Variants in DLGAP4 observed in about 807,000 individuals in gnomAD.
DLGAP4 encodes DLG associated protein 4, also known as disks large-associated protein 4.
DLGAP4 carries 18 observed loss-of-function variants against 86.9 expected under a neutral mutation model. That is an observed-to-expected ratio of 0.21 (90% CI 0.14 to 0.31). The LOEUF (loss-of-function observed/expected upper bound fraction) is 0.31. Among genes scored for constraint, DLGAP4 ranks in the 10% least tolerant of loss-of-function variants. DLGAP4 has a pLI of 1.00. For synonymous variants in DLGAP4, 548 were observed against 574.3 expected (o/e 0.95, Z 0.65); for missense variants, 1,085 against 1,362.6 (o/e 0.80, Z 3.21).
chr20:36,496,452 G>A (rs1267601577), intron 7 of DLGAP4, among the ~76,000 whole-genome samples: 3 of 152,342 alleles, frequency 2.0e-5, no homozygotes, highest in East Asian at 3.9e-4. Flanking sequence ...CTGATGTGGG[G>A]GATATCTTTG....
At chr20:36,483,495 A>G (rs946597749) in intron 7 of DLGAP4, among the ~76,000 whole-genome samples, 23 of 152,116 alleles carry the variant, frequency 1.5e-4, no homozygotes, top group Non-Finnish European at 1.0e-4. Context: ...TATGTGTACT[A>G]TGAGAGAGTG....
intron 2 of DLGAP4, among the ~76,000 whole-genome samples, chr20:36,406,651 A>G (rs1158288907): frequency 1.3e-5 from 2 of 152,086 alleles, no homozygotes; most frequent in Admixed American, 1.3e-4. Context: ...GTATGTTTGG[A>G]TACCATGGGT....
intron 2 of DLGAP4, among the ~76,000 whole-genome samples, chr20:36,425,240 C>T (rs2032942215): frequency 6.6e-6 from 1 of 152,104 alleles, no homozygotes; most frequent in Non-Finnish European, 1.5e-5. Flanking sequence ...ACAAAAATGA[C>T]AAACAACCCA....
chr20:36,432,474 A>C lies in DLGAP4; in HGVS notation c.757A>C (p.Met253Leu). 1 of 1,613,602 alleles carries C rather than the reference A, an allele frequency of 6.2e-7. No individual in the cohort carries two copies. Among genetic ancestry groups the C allele is most frequent in the Non-Finnish European group, 8.5e-7 (1 of 1,179,998 alleles). Reference protein sequence around the residue: ...MHAYNTISGHMLKTTKNNTTE... With the variant: ...MHAYNTISGHLLKTTKNNTTE... ...CGCCTACAACACCATCAGTGGGCAC[A>C]TGCTCAAAACCACCAAGAACAACAC... The change falls in exon 3 of 13, where the codon ATG becomes CTG. Residue 253 changes from methionine to leucine, a missense_variant. Physicochemically the swap from Met to Leu is conservative, Grantham distance 15 (BLOSUM62 2). Around this residue, in one of 2 missense-constraint regions of DLGAP4, gnomAD observed 1,082 missense variants for 1,344.1 expected, o/e 0.81. Transcript: ENST00000339266. The surrounding 1 kb of genome is among the most constrained non-coding windows in gnomAD (Gnocchi z 6.5).
intron 10 of DLGAP4, among the ~76,000 whole-genome samples, chr20:36,515,411 T>C (rs1330516331): frequency 1.3e-5 from 2 of 152,236 alleles, no homozygotes; most frequent in African/African-American, 4.8e-5. Flanking sequence ...TACCTTTCAC[T>C]GTCCTTATTA....
At chr20:36,511,874 CAAA>C (rs1161880479) in intron 10 of DLGAP4, among the ~76,000 whole-genome samples, 10 of 76,866 alleles carry the variant, frequency 1.3e-4, no homozygotes, top group Non-Finnish European at 1.7e-4. Flanking sequence ...GACCCTGTCT[CAAA>C]AAAAAAAAAA....
chr20:36,432,243 G>A lies in DLGAP4; in HGVS notation c.526G>A (p.Asp176Asn). 6.2e-7 allele frequency: 1 copy of A among 1,613,862 alleles called. No homozygotes were observed. The highest frequency in any genetic ancestry group is 1.1e-5 in the South Asian group (1 of 91,082). The stretch of plus-strand genomic sequence containing the variant: ...TGGCAGCAAGAAGGGTGGCATGGAG[G>A]ACGGCAAGGGCCGGAGGGCCAAAAG... ...GNGSKKGGME[D>N]GKGRRAKSKE... Residue 176 changes from aspartate (D) to asparagine (N), a missense_variant, in exon 3 of 13, where the codon GAC becomes AAC. Physicochemically the swap from Asp to Asn is conservative, Grantham distance 23. Coordinates refer to ENST00000339266, the MANE Select transcript of DLGAP4 (RefSeq NM_001365621.2). This position sits in a 1 kb window ranked among gnomAD's most constrained non-coding sequence, Gnocchi z 6.5.
At chr20:36,515,183 A>G (rs1179684778) in intron 10 of DLGAP4, among the ~76,000 whole-genome samples, 2 of 152,158 alleles carry the variant, frequency 1.3e-5, no homozygotes, top group African/African-American at 2.4e-5. Context: ...TGGTTTGTCC[A>G]TTTCTCCTTA....
chr20:36,428,211 A>G, intron 2 of DLGAP4, among the ~76,000 whole-genome samples: 1 of 152,218 alleles, frequency 6.6e-6, no homozygotes, highest in East Asian at 1.9e-4. Flanking sequence ...TATACTGTCA[A>G]CCTGGTAGCC....
chr20:36,361,951 C>T (rs1389233627), intron 1 of DLGAP4, among the ~76,000 whole-genome samples: 3 of 133,086 alleles, frequency 2.3e-5, no homozygotes, highest in Non-Finnish European at 4.6e-5. Flanking sequence ...TGCACTCCAG[C>T]GTGGATGACA....
At chr20:36,457,740 C>A (rs553945795) in intron 7 of DLGAP4, among the ~76,000 whole-genome samples, 7 of 151,582 alleles carry the variant, frequency 4.6e-5, no homozygotes, top group African/African-American at 1.7e-4. Context: ...TGGTCCTGAT[C>A]TCCTGACCTC....
chr20:36,388,207 C>T (rs112067294), intron 2 of DLGAP4, among the ~76,000 whole-genome samples: 2 of 152,314 alleles, frequency 1.3e-5, no homozygotes, highest in African/African-American at 2.4e-5. Flanking sequence ...TTGATTCTTC[C>T]TTTGTATGTT....
intron 2 of DLGAP4, among the ~76,000 whole-genome samples, chr20:36,381,158 A>G (rs934853966): frequency 6.6e-6 from 1 of 152,206 alleles, no homozygotes; most frequent in African/African-American, 2.4e-5. Flanking sequence ...CTCTACCTAC[A>G]TGTATTCATT....
intron 7 of DLGAP4, among the ~76,000 whole-genome samples, chr20:36,494,668 C>G (rs2035804807): frequency 6.6e-6 from 1 of 152,200 alleles, no homozygotes; most frequent in African/African-American, 2.4e-5. Context: ...CATCCCCACA[C>G]TCAATACAGG....
intron 1 of DLGAP4, among the ~76,000 whole-genome samples, chr20:36,347,068 C>T (rs920755440): frequency 6.6e-6 from 1 of 152,218 alleles, no homozygotes; most frequent in Non-Finnish European, 1.5e-5. Flanking sequence ...GTGCTACTCC[C>T]TGTGCTGGGC....
At chr20:36,391,232 C>T (rs545199528) in intron 2 of DLGAP4, among the ~76,000 whole-genome samples, 9 of 152,116 alleles carry the variant, frequency 5.9e-5, no homozygotes, top group Non-Finnish European at 8.8e-5. Context: ...CCATTCAGGC[C>T]GCCCACTCTG....
In DLGAP4 at chr20:36,526,117, G is replaced by C. The variant is rs889236962; in HGVS notation, c.2760+111G>C. The C allele has an allele frequency of 4.6e-6, 7 of 1,510,588 alleles. No individual in the cohort carries two copies. The African/African-American group carries it at 8.2e-5, about 18-fold the overall frequency. The allele number at this position is 1,510,588 out of a possible 1,614,324, so 93.6% of individuals were successfully genotyped here. On this transcript the variant is annotated intron_variant, in intron 12 of 12. Transcript: ENST00000339266. ...GCTCCCTTCTCCGTGTGTCGTCTTTGAGCTGGGGTCTCACATCCATCACTG... is the reference window on the plus strand; with the variant it reads ...GCTCCCTTCTCCGTGTGTCGTCTTTCAGCTGGGGTCTCACATCCATCACTG...
intron 2 of DLGAP4, among the ~76,000 whole-genome samples, chr20:36,395,751 G>A (rs1245346273): frequency 4.6e-5 from 7 of 152,030 alleles, no homozygotes; most frequent in Non-Finnish European, 8.8e-5. Context: ...CGCCCGCCTC[G>A]GCCTCCCAAA....
At chr20:36,423,015 G>T (rs1212618930) in intron 2 of DLGAP4, among the ~76,000 whole-genome samples, 1 of 152,122 alleles carries the variant, frequency 6.6e-6, no homozygotes. Flanking sequence ...ACTGGGCCAG[G>T]AACCCTGATC....
Sources: gnomAD v4.1 joint callset for allele counts (sites outside exome capture counted in the v4.1 genomes callset) on GRCh38, gnomAD v4.1.1 for gene constraint, gnomAD v4.1.1 regional missense constraint, Gnocchi (gnomAD v3.1) non-coding constraint, MANE v1.5 for transcripts, NCBI Gene and HGNC (gene_info 2026-07-23, HGNC 2026-07-21) for gene names.